The following LOC400499 variants were observed in gnomAD, a reference collection of about 807,000 sequenced individuals.
At chr16:11,380,695 C>T in the LOC400499 span, among the ~76,000 whole-genome samples, 2 of 126,510 alleles carry the variant, frequency 1.6e-5, no homozygotes, top group African/African-American at 5.6e-5. Flanking sequence ...TAACTTAGCC[C>T]TTGATTTAAA....
chr16:11,424,349 G>A, the LOC400499 span: 2 of 399,622 alleles, frequency 5.0e-6, no homozygotes, highest in African/African-American at 2.1e-5. Flanking sequence ...GGAGTCCTGG[G>A]GGAAGAGGCC....
chr16:11,399,861 G>C, the LOC400499 span: 3 of 398,452 alleles, frequency 7.5e-6, no homozygotes, highest in South Asian at 1.3e-4. Flanking sequence ...GGGACATGTA[G>C]GGGAGAGGAG....
chr16:11,374,936 C>T, the LOC400499 span, among the ~76,000 whole-genome samples: 1 of 152,094 alleles, frequency 6.6e-6, no homozygotes, highest in Admixed American at 6.5e-5. Context: ...GCAACCTCCG[C>T]CTCCCGGGTT....
At chr16:11,431,220 C>T in the LOC400499 span, 1 of 398,952 alleles carries the variant, frequency 2.5e-6, no homozygotes, top group East Asian at 3.6e-5. Flanking sequence ...CCTTGGAAAA[C>T]AGCCAAATCC....
At chr16:11,484,090 C>A in the LOC400499 span, among the ~76,000 whole-genome samples, 2 of 144,870 alleles carry the variant, frequency 1.4e-5, no homozygotes, top group Non-Finnish European at 3.0e-5. Flanking sequence ...TCACTGCAAG[C>A]TCCGCCTCCC....
the LOC400499 span, chr16:11,425,422 C>T: frequency 1.5e-5 from 6 of 399,130 alleles, no homozygotes; most frequent in Non-Finnish European, 2.7e-5. Context: ...TCAGCAGTGA[C>T]ACTGAGGGTG....
At chr16:11,503,207 G>A in the LOC400499 span, among the ~76,000 whole-genome samples, 2,227 of 151,892 alleles carry the variant, frequency 0.015, 81 homozygotes, top group East Asian at 0.17. Context: ...GAGCCATCGC[G>A]CCCACCCTTT....
chr16:11,384,752 C>T, the LOC400499 span: 100 of 732,846 alleles, frequency 1.4e-4, 1 homozygote, highest in African/African-American at 1.1e-3. Context: ...TGAGGGCACA[C>T]GCGCTGCCAT....
chr16:11,520,001 C>A, the LOC400499 span, among the ~76,000 whole-genome samples: 12 of 152,060 alleles, frequency 7.9e-5, no homozygotes, highest in African/African-American at 2.7e-4. Flanking sequence ...CCGCGCCCGG[C>A]CTATGTGAGT....
chr16:11,446,152 G>T, the LOC400499 span, among the ~76,000 whole-genome samples: 2 of 149,982 alleles, frequency 1.3e-5, no homozygotes, highest in Non-Finnish European at 3.0e-5. Flanking sequence ...TGTGAGGTTG[G>T]GGGGCGGGGG....
the LOC400499 span, among the ~76,000 whole-genome samples, chr16:11,464,677 G>C: frequency 6.6e-6 from 1 of 152,216 alleles, no homozygotes; most frequent in Non-Finnish European, 1.5e-5. Context: ...GGGACCTCCT[G>C]TCTGCTGAAA....
the LOC400499 span, among the ~76,000 whole-genome samples, chr16:11,437,868 C>T: frequency 0.44 from 67,535 of 151,962 alleles, 15,348 homozygotes; most frequent in South Asian, 0.55. Context: ...GACTCGGTCT[C>T]GAAAAATACT....
chr16:11,480,405 AG>A, the LOC400499 span, among the ~76,000 whole-genome samples: 15 of 152,204 alleles, frequency 9.9e-5, no homozygotes, highest in Non-Finnish European at 1.6e-4. Context: ...CTTGGTGGTT[AG>A]GAAACATGTG....
chr16:11,399,843 G>C, the LOC400499 span: 1 of 398,770 alleles, frequency 2.5e-6, no homozygotes. Flanking sequence ...GGCAGTGGTG[G>C]GGAAAGGGGG....
the LOC400499 span, chr16:11,472,007 A>G: frequency 2.5e-6 from 1 of 394,114 alleles, no homozygotes; most frequent in Non-Finnish European, 4.5e-6. Flanking sequence ...AGCACTGCTG[A>G]CATTTGGGAT....
At chr16:11,461,267 G>C in the LOC400499 span, 1 of 987,554 alleles carries the variant, frequency 1.0e-6, no homozygotes, top group Non-Finnish European at 1.4e-6. Context: ...CTGCACAACA[G>C]GCCACAGACA....
chr16:11,396,575 T>C, the LOC400499 span: 2 of 1,231,984 alleles, frequency 1.6e-6, no homozygotes, highest in Non-Finnish European at 2.0e-6. Flanking sequence ...CAGGCTGAGA[T>C]GCAGGCCGTG....
At chr16:11,500,469 C>T in the LOC400499 span, among the ~76,000 whole-genome samples, 2 of 151,502 alleles carry the variant, frequency 1.3e-5, no homozygotes, top group African/African-American at 2.4e-5. Context: ...TGAGATCGCA[C>T]TGCTGCACTC....
chr16:11,446,756 G>A, the LOC400499 span: 1 of 1,535,924 alleles, frequency 6.5e-7, no homozygotes, highest in Non-Finnish European at 8.7e-7. Flanking sequence ...ACGTAGGGGT[G>A]TCCGGCCTGG....
Sources: allele counts gnomAD v4.1 joint callset (sites outside exome capture counted in the v4.1 genomes callset), GRCh38; gene constraint gnomAD v4.1.1; transcripts MANE v1.5.